The following SIRT5 variants were observed in gnomAD, a reference collection of about 807,000 sequenced individuals.
SIRT5 encodes the protein sirtuin 5, also known as NAD-dependent protein deacylase sirtuin-5, mitochondrial.
SIRT5 carries 26 observed loss-of-function variants against 40.0 expected under a neutral mutation model. That is an observed-to-expected ratio of 0.65 (90% CI 0.48 to 0.90). The LOEUF (loss-of-function observed/expected upper bound fraction) is 0.90. SIRT5 is among the 40% of genes least tolerant of loss of function. The pLI is 0.00. For missense variants in SIRT5, 401 were observed against 402.4 expected, an observed-to-expected ratio of 1.00 and a Z score of 0.03; for synonymous variants, 146 against 149.1, an observed-to-expected ratio of 0.98 and a Z score of 0.15.
At chr6:13,581,266 T>A (rs1163970324) in intron 2 of SIRT5, among the ~76,000 whole-genome samples, 2 of 152,238 alleles carry the variant, frequency 1.3e-5, no homozygotes, top group Admixed American at 6.5e-5. Context: ...TCATGTCTCA[T>A]TAGGACCTGG....
At chr6:13,602,293 CA>C (rs1180832674) in intron 9 of SIRT5, among the ~76,000 whole-genome samples, 5 of 152,016 alleles carry the variant, frequency 3.3e-5, no homozygotes, top group Non-Finnish European at 7.4e-5. Flanking sequence ...ATAGCCAAAA[CA>C]AAATGAAAAA....
At chr6:13,578,616 CAAA>C (rs60663066) in intron 1 of SIRT5, among the ~76,000 whole-genome samples, 6 of 36,772 alleles carry the variant, frequency 1.6e-4, no homozygotes, top group Non-Finnish European at 2.4e-4. Context: ...GACTCCATCT[CAAA>C]AAAAAAAAAA....
chr6:13,582,023 A>G (rs1451552890), intron 2 of SIRT5, among the ~76,000 whole-genome samples: 1 of 152,140 alleles, frequency 6.6e-6, no homozygotes, highest in African/African-American at 2.4e-5. Flanking sequence ...ACCTCTCCCC[A>G]ACATGATCTA....
At position 13,600,848 on chromosome 6, in the gene SIRT5, T is replaced by C; in HGVS notation, c.756T>C (p.Ser252=). The change falls in exon 9 of 10, where the codon TCT becomes TCC. Residue 252 remains serine (S), a synonymous_variant. Coordinates refer to ENST00000606117, the MANE Select transcript of SIRT5 (RefSeq NM_012241.5). The stretch of plus-strand genomic sequence containing the variant: ...TTGCCTTGTAGGTGGGCACTTCCTC[T>C]GTGGTGTACCCAGCAGCCATGTTTG... ...CDLCLVVGTS[S]VVYPAAMFAP... is the part of the protein sequence containing the mutation. The C allele has an allele frequency of 2.5e-6, 4 of 1,612,958 alleles. No homozygotes were observed. The highest frequency in any genetic ancestry group is 1.7e-6 in the Non-Finnish European group (2 of 1,179,480).
At chr6:13,587,747 T>C (rs1489415969) in intron 3 of SIRT5, among the ~76,000 whole-genome samples, 1 of 152,212 alleles carries the variant, frequency 6.6e-6, no homozygotes, top group Non-Finnish European at 1.5e-5. Context: ...AGTTTGGCTC[T>C]CATTTGACTT....
intron 9 of SIRT5, among the ~76,000 whole-genome samples, chr6:13,611,132 T>C (rs1472427789): frequency 6.7e-6 from 1 of 149,714 alleles, no homozygotes; most frequent in African/African-American, 2.4e-5. Flanking sequence ...AGTGGTCAGA[T>C]AGTGCATGGG....
chr6:13,599,253 C>T lies in SIRT5; in HGVS notation c.741+98C>T, dbSNP rs1325566486. 1.0e-5 allele frequency: 13 copies of T among 1,271,098 alleles called. No individual in the cohort carries two copies. In the South Asian group the frequency reaches 1.8e-4, roughly 18 times the overall value. 78.7% of individuals were successfully genotyped at this position (1,271,098 alleles called of 1,614,324 possible). On this transcript the variant is annotated intron_variant, in intron 8 of 9. Transcript: ENST00000606117. ...TCCTTCCTCCCTCCCTTGCTTCTTT[C>T]CTTCCCGCCTTCTCTCCTCCCTCCA...
intron 2 of SIRT5, 147 bp from the exon 3 acceptor site, chr6:13,583,929 C>T (rs1759711420): frequency 5.6e-6 from 2 of 357,774 alleles, no homozygotes; most frequent in Admixed American, 4.3e-5. Flanking sequence ...TTTTAAAGGA[C>T]ATTCGTGTAT....
At chr6:13,591,077 ATG>A (rs1304669672) in intron 4 of SIRT5, among the ~76,000 whole-genome samples, 2 of 146,034 alleles carry the variant, frequency 1.4e-5, no homozygotes, top group Non-Finnish European at 1.5e-5. Flanking sequence ...AGTTGTGTGT[ATG>A]TGTGTGCAGT....
intron 5 of SIRT5, among the ~76,000 whole-genome samples, chr6:13,593,566 G>C (rs1449395908): frequency 6.6e-6 from 1 of 152,080 alleles, no homozygotes; most frequent in East Asian, 1.9e-4. Flanking sequence ...ATGTGTGTTA[G>C]TCAGGACTTT....
intron 4 of SIRT5, among the ~76,000 whole-genome samples, chr6:13,591,359 A>G (rs1462808552): frequency 2.0e-5 from 3 of 152,238 alleles, no homozygotes; most frequent in South Asian, 2.1e-4. Flanking sequence ...ACCTTCCTGC[A>G]TGTTCCTTTA....
chr6:13,606,851 T>G (rs562934415), intron 9 of SIRT5, among the ~76,000 whole-genome samples: 12 of 152,150 alleles, frequency 7.9e-5, no homozygotes, highest in African/African-American at 2.9e-4. Flanking sequence ...CTGGCTAATT[T>G]TTGTATTTTT....
At chr6:13,608,084 A>C (rs1411519147) in intron 9 of SIRT5, among the ~76,000 whole-genome samples, 2 of 152,206 alleles carry the variant, frequency 1.3e-5, no homozygotes, top group African/African-American at 2.4e-5. Flanking sequence ...TTTAAAATAA[A>C]AACTACCATA....
chr6:13,599,346 A>G (rs1365899554), intron 8 of SIRT5, among the ~76,000 whole-genome samples, 191 bp downstream of exon 8: 3 of 152,186 alleles, frequency 2.0e-5, no homozygotes, highest in East Asian at 1.9e-4. Flanking sequence ...CTGAGAAACA[A>G]TGAATAAGAA....
At chr6:13,595,854 T>C (rs1190479836) in intron 6 of SIRT5, among the ~76,000 whole-genome samples, 1 of 151,926 alleles carries the variant, frequency 6.6e-6, no homozygotes, top group African/African-American at 2.4e-5. Flanking sequence ...TAGCTGGGTG[T>C]GGTGGCACAT....
intron 1 of SIRT5, among the ~76,000 whole-genome samples, chr6:13,578,804 A>G (rs945635464): frequency 6.6e-6 from 1 of 151,924 alleles, no homozygotes; most frequent in African/African-American, 2.4e-5. Flanking sequence ...TTCACAGAGA[A>G]CATACAGGCT....
chr6:13,601,903 G>T (rs1232548373), intron 9 of SIRT5, among the ~76,000 whole-genome samples: 2 of 151,784 alleles, frequency 1.3e-5, no homozygotes, highest in Non-Finnish European at 2.9e-5. Context: ...CTCCTCAAGT[G>T]AGTGAACTGG....
At chr6:13,605,049 A>G (rs1184224969) in intron 9 of SIRT5, 8 of 986,152 alleles carry the variant, frequency 8.1e-6, no homozygotes, top group Non-Finnish European at 9.6e-6. Flanking sequence ...ATCCTACTCA[A>G]TTTTTCAAAG....
At chr6:13,599,213 C>T (rs539914061) in intron 8 of SIRT5, 58 bp downstream of exon 8, 2 of 1,552,396 alleles carry the variant, frequency 1.3e-6, no homozygotes, top group South Asian at 2.4e-5. Context: ...TTTTTTCCTT[C>T]CCCCTCTCCT....
Sources: allele counts gnomAD v4.1 joint callset (sites outside exome capture counted in the v4.1 genomes callset), GRCh38; gene constraint gnomAD v4.1.1; transcripts MANE v1.5; gene names NCBI Gene and HGNC (gene_info 2026-07-23, HGNC 2026-07-21).